LRRTM3: variants seen among roughly 807,000 people sequenced by gnomAD.
LRRTM3 encodes the protein leucine rich repeat transmembrane neuronal 3, also known as leucine-rich repeat transmembrane neuronal protein 3.
A neutral mutation model predicts 44.7 loss-of-function variants in LRRTM3; 24 were observed. The ratio of observed to expected loss-of-function variants is 0.54; its 90% CI spans 0.39 to 0.76. The LOEUF is 0.76. LRRTM3 is among the 30% of genes least tolerant of loss of function. The probability of loss-of-function intolerance (pLI) is 0.00; values close to 1 mark genes in which losing one functional copy is unlikely to be tolerated. For synonymous variants in LRRTM3, 277 were observed against 278.7 expected, an observed-to-expected ratio of 0.99 and a Z score of 0.06; for missense variants, 587 against 702.2, an observed-to-expected ratio of 0.84 and a Z score of 1.85.
At chr10:67,003,215 C>T (rs1354940657) in intron 2 of LRRTM3, among the ~76,000 whole-genome samples, 1 of 152,146 alleles carries the variant, frequency 6.6e-6, no homozygotes, top group Non-Finnish European at 1.5e-5. Flanking sequence ...AGTGCCTATG[C>T]TTATGACTAA....
At chr10:66,968,577 G>T (rs1849558808) in intron 2 of LRRTM3, among the ~76,000 whole-genome samples, 1 of 151,938 alleles carries the variant, frequency 6.6e-6, no homozygotes, top group Admixed American at 6.6e-5. Context: ...CAAAAAGGTT[G>T]TCTCCTCAGT....
At chr10:66,992,443 A>T (rs1851092108) in intron 2 of LRRTM3, among the ~76,000 whole-genome samples, 2 of 150,842 alleles carry the variant, frequency 1.3e-5, no homozygotes, top group South Asian at 4.2e-4. Context: ...TCTTGTTCCT[A>T]GGAGTTCTTA....
chr10:66,948,812 T>C (rs904942154), intron 2 of LRRTM3, among the ~76,000 whole-genome samples: 2 of 152,162 alleles, frequency 1.3e-5, no homozygotes, highest in Non-Finnish European at 2.9e-5. Context: ...TCAATGTGAA[T>C]CCATAAATCA....
Position 66,968,239 on chromosome 10 carries a change from A to G in LRRTM3, c.1536+39787A>G, listed in dbSNP as rs574018628. On this transcript the variant is annotated intron_variant, in intron 2 of 2. Coordinates refer to ENST00000361320, the MANE Select transcript of LRRTM3 (RefSeq NM_178011.5). The stretch of plus-strand genomic sequence containing the variant: ...TGGCTGTGGATTTTGGTATAGTTTT[A>G]ATTTTTAAAAACAGTTTCCAAAACA... Among the ~76,000 whole-genome samples the G allele has an allele frequency of 9.4e-4, 143 of 152,024 alleles. 2 individuals are homozygous for G. The highest frequency in any genetic ancestry group is 3.4e-3 in the African/African-American group (139 of 41,486).
At chr10:66,930,876 G>GA (rs999987248) in intron 2 of LRRTM3, among the ~76,000 whole-genome samples, 4 of 152,090 alleles carry the variant, frequency 2.6e-5, no homozygotes, top group African/African-American at 7.2e-5. Flanking sequence ...GAAATTATGG[G>GA]AAAAAAGTTC....
intron 2 of LRRTM3, chr10:67,015,268 C>G (rs535429386): frequency 6.6e-6 from 1 of 152,010 alleles, no homozygotes; most frequent in Admixed American, 6.5e-5. Context: ...ATTTTTTATC[C>G]ATAGATAGAT....
At chr10:67,096,596 A>G (rs533869825) in intron 2 of LRRTM3, among the ~76,000 whole-genome samples, 2 of 151,914 alleles carry the variant, frequency 1.3e-5, no homozygotes, top group African/African-American at 2.4e-5. Context: ...AAATCTGCCT[A>G]CTTTTTAGGA....
At chr10:67,076,464 G>A (rs1827551659) in intron 2 of LRRTM3, among the ~76,000 whole-genome samples, 1 of 152,186 alleles carries the variant, frequency 6.6e-6, no homozygotes, top group Non-Finnish European at 1.5e-5. Flanking sequence ...CCAATACATA[G>A]CTGTGTCTCC....
At chr10:67,072,091 T>C (rs1012524241) in intron 2 of LRRTM3, among the ~76,000 whole-genome samples, 2 of 152,216 alleles carry the variant, frequency 1.3e-5, no homozygotes, top group African/African-American at 2.4e-5. Context: ...TAGCTGGGAT[T>C]ACAGACATGC....
chr10:66,931,137 T>A (rs1391721355), intron 2 of LRRTM3, among the ~76,000 whole-genome samples: 2 of 151,656 alleles, frequency 1.3e-5, no homozygotes, highest in African/African-American at 4.9e-5. Flanking sequence ...TGATATTTAT[T>A]TTTCTAGTAC....
At chr10:67,068,358 A>C (rs1856220648) in intron 2 of LRRTM3, among the ~76,000 whole-genome samples, 1 of 152,130 alleles carries the variant, frequency 6.6e-6, no homozygotes, top group Non-Finnish European at 1.5e-5. Flanking sequence ...GGTTTGGGGG[A>C]AAGGTAGGAA....
At chr10:66,980,512 T>G (rs1850360675) in intron 2 of LRRTM3, among the ~76,000 whole-genome samples, 1 of 127,158 alleles carries the variant, frequency 7.9e-6, no homozygotes, top group African/African-American at 3.1e-5. Flanking sequence ...CTTCCTTCTG[T>G]TTCCCAAGCA....
At chr10:66,939,036 C>T (rs978132230) in intron 2 of LRRTM3, among the ~76,000 whole-genome samples, 5 of 152,142 alleles carry the variant, frequency 3.3e-5, no homozygotes, top group Non-Finnish European at 7.4e-5. Context: ...GAGGCCTCTC[C>T]TCTCTTACCC....
At position 66,926,946 on chromosome 10, in the gene LRRTM3, C is replaced by T. The variant is rs763055807; in HGVS notation, c.30C>T (p.Ser10=). The part of the protein sequence containing the change: MGFNVIRLL[S]GSAVALVIAP... ...GTTTCAATGTAATTAGGCTACTGAG[C>T]GGATCAGCTGTAGCACTGGTTATAG... The change falls in exon 2 of 3, where the codon AGC becomes AGT. Residue 10 remains serine, a synonymous_variant. Coordinates refer to ENST00000361320, the MANE Select transcript of LRRTM3 (RefSeq NM_178011.5). 1.8e-5 allele frequency: 28 copies of T among 1,599,374 alleles called. No homozygotes were observed. The South Asian group carries it at 2.4e-4, about 14-fold the overall frequency.
At chr10:66,972,389 C>T (rs1284130414) in intron 2 of LRRTM3, among the ~76,000 whole-genome samples, 2 of 152,084 alleles carry the variant, frequency 1.3e-5, no homozygotes, top group Admixed American at 6.6e-5. Context: ...CTACTGGGCT[C>T]AAGCAGTCCT....
rs1858202356 is a variant in LRRTM3, at chr10:67,099,365, T to TG, written c.*1570dup. On this transcript the variant is annotated 3_prime_UTR_variant, in exon 3 of 3. Transcript: ENST00000361320. ...GAAAACTGCAAGTTTCAATTACTGT[T>TG]GCACTAGAAGTGCTTTTTATGTTGT... is the stretch of plus-strand genomic sequence containing the variant. The TG allele has an allele frequency of 6.6e-6, 1 of 151,764 alleles. No homozygotes were observed. Among genetic ancestry groups the TG allele is most frequent in the Admixed American group, 6.6e-5 (1 of 15,168 alleles). 9.4% of individuals were successfully genotyped at this position (151,764 alleles called of 1,614,324 possible).
chr10:67,041,119 G>A (rs1483944392), intron 2 of LRRTM3, among the ~76,000 whole-genome samples: 1 of 152,090 alleles, frequency 6.6e-6, no homozygotes, highest in Non-Finnish European at 1.5e-5. Flanking sequence ...AGGTATGTCA[G>A]TTGTCTCACT....
chr10:67,039,315 C>T (rs1443161052), intron 2 of LRRTM3, among the ~76,000 whole-genome samples: 1 of 152,090 alleles, frequency 6.6e-6, no homozygotes, highest in East Asian at 1.9e-4. Flanking sequence ...TTCCAGTTAA[C>T]ATAAATGCTA....
At chr10:67,009,656 T>G (rs1407661702) in intron 2 of LRRTM3, among the ~76,000 whole-genome samples, 2 of 152,154 alleles carry the variant, frequency 1.3e-5, no homozygotes, top group African/African-American at 4.8e-5. Flanking sequence ...CAGCTCTTTG[T>G]TGTGTTATTA....
Sources: gnomAD v4.1 joint callset for allele counts (sites outside exome capture counted in the v4.1 genomes callset) on GRCh38, gnomAD v4.1.1 for gene constraint, MANE v1.5 for transcripts, NCBI Gene and HGNC (gene_info 2026-07-23, HGNC 2026-07-21) for gene names.